The following PSMA1 variants were observed in gnomAD, a reference collection of about 807,000 sequenced individuals.
PSMA1 encodes the protein proteasome subunit alpha type-1.
A neutral mutation model predicts 38.4 loss-of-function variants in PSMA1; 3 were observed. The ratio of observed to expected loss-of-function variants is 0.08; its 90% CI spans 0.04 to 0.20. The LOEUF (loss-of-function observed/expected upper bound fraction) is 0.20, where lower values mean the gene tolerates loss of function less well. Among genes scored for constraint, PSMA1 ranks in the 10% least tolerant of loss-of-function variants. The probability of loss-of-function intolerance (pLI) is 1.00; values close to 1 mark genes in which losing one functional copy is unlikely to be tolerated. For synonymous variants in PSMA1, 101 were observed against 107.1 expected, an observed-to-expected ratio of 0.94 and a Z score of 0.35; for missense variants, 227 against 325.3, an observed-to-expected ratio of 0.70 and a Z score of 2.32.
intron 1 of PSMA1, among the ~76,000 whole-genome samples, chr11:14,625,620 G>A (rs1852900718): frequency 6.6e-6 from 1 of 152,304 alleles, no homozygotes; most frequent in South Asian, 2.1e-4. Context: ...TGAGATGAGG[G>A]ACTCCTTTTA....
intron 1 of PSMA1, among the ~76,000 whole-genome samples, chr11:14,620,727 G>C (rs1852834211): frequency 6.6e-6 from 1 of 152,124 alleles, no homozygotes; most frequent in Non-Finnish European, 1.5e-5. Context: ...AACTTTTTTT[G>C]TAGATGAAAG....
At chr11:14,627,772 CAAT>C (rs1202794302) in intron 1 of PSMA1, among the ~76,000 whole-genome samples, 1 of 152,172 alleles carries the variant, frequency 6.6e-6, no homozygotes, top group Non-Finnish European at 1.5e-5. Context: ...TCTGATAAAA[CAAT>C]GATTTCATGA....
At chr11:14,569,377 C>T (rs922490311) in intron 2 of PSMA1, among the ~76,000 whole-genome samples, 8 of 152,116 alleles carry the variant, frequency 5.3e-5, no homozygotes, top group African/African-American at 1.9e-4. Flanking sequence ...ACAGTGAGTG[C>T]AGCCCACAGA....
chr11:14,628,501 C>A (rs369209683), intron 1 of PSMA1, among the ~76,000 whole-genome samples: 194 of 150,316 alleles, frequency 1.3e-3, no homozygotes, highest in African/African-American at 4.4e-3. Flanking sequence ...TGAACTCATC[C>A]TTTTTTATGG....
chr11:14,596,303 A>G (rs1305484379), intron 2 of PSMA1, among the ~76,000 whole-genome samples: 1 of 152,120 alleles, frequency 6.6e-6, no homozygotes, highest in Non-Finnish European at 1.5e-5. Flanking sequence ...AGCTTGATGG[A>G]GATGGCATTG....
At chr11:14,518,731 CTATATATA>C (rs1284660888) in intron 2 of PSMA1, among the ~76,000 whole-genome samples, 4 of 152,096 alleles carry the variant, frequency 2.6e-5, no homozygotes, top group African/African-American at 9.7e-5. Context: ...TTTACTCTCT[CTATATATA>C]TATTTGCCCT....
At chr11:14,592,331 G>A (rs562705016) in intron 2 of PSMA1, among the ~76,000 whole-genome samples, 7 of 150,110 alleles carry the variant, frequency 4.7e-5, no homozygotes, top group Non-Finnish European at 8.9e-5. Context: ...CAGCCTCATC[G>A]ACCCCGTCTC....
intron 2 of PSMA1, among the ~76,000 whole-genome samples, chr11:14,573,255 T>A (rs571701907): frequency 3.3e-5 from 5 of 152,022 alleles, no homozygotes; most frequent in Middle Eastern, 3.4e-3. Context: ...TCGATGCAAA[T>A]ATCCTCAATA....
At chr11:14,617,083 C>T (rs969794622) in intron 1 of PSMA1, among the ~76,000 whole-genome samples, 2 of 152,146 alleles carry the variant, frequency 1.3e-5, no homozygotes, top group Non-Finnish European at 2.9e-5. Context: ...TTTCAGGCTG[C>T]CTGCTGAGAG....
chr11:14,630,753 C>T (rs1179824957), intron 1 of PSMA1, among the ~76,000 whole-genome samples: 1 of 151,990 alleles, frequency 6.6e-6, no homozygotes, highest in Non-Finnish European at 1.5e-5. Flanking sequence ...CCAGTTCCTC[C>T]TTGTACCTCT....
intron 9 of PSMA1, among the ~76,000 whole-genome samples, chr11:14,505,451 G>C (rs1019526796): frequency 2.6e-4 from 40 of 152,048 alleles, no homozygotes; most frequent in African/African-American, 9.2e-4. Context: ...AGGGAATAAA[G>C]ATTTTTTATT....
intron 2 of PSMA1, among the ~76,000 whole-genome samples, chr11:14,609,358 T>C (rs752883416): frequency 1.3e-5 from 2 of 152,230 alleles, no homozygotes; most frequent in South Asian, 2.1e-4. Flanking sequence ...ATACCTACTA[T>C]GTATCAGGAG....
chr11:14,641,935 GAGA>G (rs1408570170), intron 1 of PSMA1, among the ~76,000 whole-genome samples: 1 of 152,212 alleles, frequency 6.6e-6, no homozygotes, highest in Non-Finnish European at 1.5e-5. Flanking sequence ...TTTCACATTT[GAGA>G]AGAACAAGGC....
chr11:14,628,071 T>C (rs1355205167), intron 1 of PSMA1, among the ~76,000 whole-genome samples: 5 of 152,234 alleles, frequency 3.3e-5, no homozygotes, highest in African/African-American at 9.6e-5. Flanking sequence ...GGCATTAGAT[T>C]CTCATAGGAA....
intron 2 of PSMA1, among the ~76,000 whole-genome samples, chr11:14,595,063 C>T (rs138444335): frequency 4.6e-5 from 7 of 152,152 alleles, no homozygotes; most frequent in Admixed American, 1.3e-4. Flanking sequence ...GCTTCATTCA[C>T]GTCCCTGCAA....
intron 2 of PSMA1, chr11:14,610,810 T>G: frequency 1.5e-6 from 1 of 676,526 alleles, no homozygotes; most frequent in South Asian, 2.2e-5. Context: ...CTTTGCTTTC[T>G]TACACAGACA....
chr11:14,573,466 T>C (rs1852173146), intron 2 of PSMA1, among the ~76,000 whole-genome samples: 1 of 152,230 alleles, frequency 6.6e-6, no homozygotes, highest in African/African-American at 2.4e-5. Context: ...TCAACAGGCC[T>C]TCATGCTAAA....
intron 2 of PSMA1, among the ~76,000 whole-genome samples, chr11:14,538,371 G>C (rs560892589): frequency 6.6e-6 from 1 of 152,180 alleles, no homozygotes; most frequent in Non-Finnish European, 1.5e-5. Flanking sequence ...ACTCGATGAA[G>C]TCTAAAATCA....
intron 1 of PSMA1, among the ~76,000 whole-genome samples, chr11:14,634,937 T>C (rs1217013112): frequency 6.6e-6 from 1 of 152,194 alleles, no homozygotes; most frequent in Non-Finnish European, 1.5e-5. Flanking sequence ...TAGAGAAACT[T>C]GGAGCCCACA....
Sources: allele counts gnomAD v4.1 joint callset (sites outside exome capture counted in the v4.1 genomes callset), GRCh38; gene constraint gnomAD v4.1.1; transcripts MANE v1.5; gene names NCBI Gene and HGNC (gene_info 2026-07-23, HGNC 2026-07-21).